RERE: variants seen among roughly 807,000 people sequenced by gnomAD.
RERE encodes the protein arginine-glutamic acid dipeptide repeats protein.
Under a neutral mutation model 146.1 loss-of-function variants are expected in RERE, and 40 were observed. The observed-to-expected ratio is 0.27, with a 90% CI of 0.21 to 0.36. The LOEUF (loss-of-function observed/expected upper bound fraction) is 0.36. RERE is among the 10% of genes least tolerant of loss of function. The probability of loss-of-function intolerance (pLI) is 1.00; values close to 1 mark genes in which losing one functional copy is unlikely to be tolerated. For missense variants in RERE, 1,933 were observed against 2,138.7 expected, an observed-to-expected ratio of 0.90 and a Z score of 1.90; for synonymous variants, 1,003 against 866.0, an observed-to-expected ratio of 1.16 and a Z score of -2.78.
At chr1:8,709,754 T>G (rs539953273) in intron 1 of RERE, among the ~76,000 whole-genome samples, 2 of 152,314 alleles carry the variant, frequency 1.3e-5, no homozygotes, top group African/African-American at 4.8e-5. Flanking sequence ...TTTCACATTT[T>G]TTACTCTTAT....
intron 1 of RERE, among the ~76,000 whole-genome samples, chr1:8,731,159 G>A (rs931380546): frequency 3.3e-5 from 5 of 152,196 alleles, no homozygotes; most frequent in African/African-American, 1.2e-4. Flanking sequence ...TTGACGAACT[G>A]CAGAAGACTG....
At chr1:8,404,364 G>A (rs1327731375) in intron 12 of RERE, among the ~76,000 whole-genome samples, 1 of 151,970 alleles carries the variant, frequency 6.6e-6, no homozygotes, top group Admixed American at 6.6e-5. Flanking sequence ...CTTGCAGTGA[G>A]CCGAGATCGC....
chr1:8,380,583 G>C (rs2636314), intron 12 of RERE: 1 of 324,318 alleles, frequency 3.1e-6, no homozygotes, highest in Non-Finnish European at 6.1e-6. Flanking sequence ...TCCTGATCTC[G>C]TGATCCACCT....
At chr1:8,520,631 A>T (rs543203469) in intron 7 of RERE, among the ~76,000 whole-genome samples, 34 of 152,052 alleles carry the variant, frequency 2.2e-4, no homozygotes, top group African/African-American at 8.0e-4. Context: ...TGGCAACGTC[A>T]TAAAACAACA....
At position 8,741,243 on chromosome 1, in the gene RERE, A is replaced by G. The variant is rs138592785; in HGVS notation, c.-145+75917T>C. Reference sequence around the variant, plus strand: ...ACATGACCATAATTCCTTATTAACTAACTCTCATCATTCATACTTTTACCT... The same window carrying G: ...ACATGACCATAATTCCTTATTAACTGACTCTCATCATTCATACTTTTACCT... On this transcript the variant is annotated intron_variant, in intron 1 of 22. Coordinates refer to ENST00000400908, the MANE Select transcript of RERE (RefSeq NM_001042681.2). Among the ~76,000 whole-genome samples the G allele has an allele frequency of 7.4e-4, 113 of 152,324 alleles. 1 individual carries two copies. The highest frequency in any genetic ancestry group is 2.3e-3 in the Admixed American group (35 of 15,304).
chr1:8,470,339 T>C (rs1644664789), intron 10 of RERE, among the ~76,000 whole-genome samples: 2 of 152,140 alleles, frequency 1.3e-5, no homozygotes, highest in Admixed American at 6.5e-5. Context: ...CTCGACTCAC[T>C]GCAACCTCCG....
intron 4 of RERE, among the ~76,000 whole-genome samples, chr1:8,571,463 C>G (rs1646220179): frequency 6.6e-6 from 1 of 152,128 alleles, no homozygotes; most frequent in African/African-American, 2.4e-5. Context: ...ATTACTGACT[C>G]AAAAGTTGGC....
At chr1:8,786,159 A>C (rs1641255851) in intron 1 of RERE, 1 of 563,530 alleles carries the variant, frequency 1.8e-6, no homozygotes, top group African/African-American at 1.9e-5. Context: ...CTGTTTATTT[A>C]AACTGATCAG....
intron 1 of RERE, among the ~76,000 whole-genome samples, chr1:8,694,983 G>C (rs1242146991): frequency 8.0e-6 from 1 of 124,552 alleles, no homozygotes; most frequent in African/African-American, 3.1e-5. Flanking sequence ...AGGGGGGGGG[G>C]GGAATGCTGG....
intron 1 of RERE, among the ~76,000 whole-genome samples, chr1:8,734,106 C>T (rs1041997860): frequency 6.6e-6 from 1 of 152,054 alleles, no homozygotes; most frequent in African/African-American, 2.4e-5. Context: ...GACTCCGTCT[C>T]AAAAATTAAA....
At chr1:8,622,462 T>C (rs1377696701) in intron 3 of RERE, among the ~76,000 whole-genome samples, 9 of 139,944 alleles carry the variant, frequency 6.4e-5, no homozygotes, top group African/African-American at 2.5e-4. Context: ...CACCCGTATT[T>C]CAGGTGTCAG....
chr1:8,779,919 A>T (rs578070082), intron 1 of RERE, among the ~76,000 whole-genome samples: 1 of 152,230 alleles, frequency 6.6e-6, no homozygotes, highest in African/African-American at 2.4e-5. Context: ...AGTGGCCGGG[A>T]GCAGCTTATG....
At chr1:8,469,375 C>CT (rs1644650026) in intron 10 of RERE, among the ~76,000 whole-genome samples, 3 of 152,124 alleles carry the variant, frequency 2.0e-5, no homozygotes, top group African/African-American at 7.2e-5. Flanking sequence ...TCCCAGCACT[C>CT]TGGGAGGCTG....
At chr1:8,520,415 A>G (rs1168084696) in intron 7 of RERE, among the ~76,000 whole-genome samples, 1 of 152,216 alleles carries the variant, frequency 6.6e-6, no homozygotes, top group African/African-American at 2.4e-5. Flanking sequence ...CTGAAGAATA[A>G]TAAGAATTTC....
At chr1:8,629,949 C>A (rs757071278) in intron 2 of RERE, among the ~76,000 whole-genome samples, 17 of 152,198 alleles carry the variant, frequency 1.1e-4, no homozygotes, top group Non-Finnish European at 2.2e-4. Flanking sequence ...AGAGACCAAG[C>A]TGGGTGGCAC....
chr1:8,654,423 T>TGC (rs1278219075), intron 2 of RERE, among the ~76,000 whole-genome samples: 1 of 152,168 alleles, frequency 6.6e-6, no homozygotes, highest in Non-Finnish European at 1.5e-5. Context: ...AGTAACAGCA[T>TGC]TCCTCAGTAA....
At chr1:8,559,193 T>C (rs1476794589) in intron 4 of RERE, among the ~76,000 whole-genome samples, 3 of 145,824 alleles carry the variant, frequency 2.1e-5, no homozygotes, top group African/African-American at 5.1e-5. Context: ...GGCAGGAGAA[T>C]TGCTTGAACC....
At position 8,531,183 on chromosome 1, in the gene RERE, G is replaced by A. The variant is rs75733445; in HGVS notation, c.830+10031C>T. On this transcript the variant is annotated intron_variant, in intron 7 of 22. Coordinates refer to ENST00000400908, the MANE Select transcript of RERE (RefSeq NM_001042681.2). ...TAGCTTTAACAATTTGGATGGGCCC[G>A]GGGGCTCACAAATATAATGAGAGGC... Among the ~76,000 whole-genome samples the A allele has an allele frequency of 5.0e-3, 765 of 152,052 alleles. 4 individuals carry two copies. The highest frequency in any genetic ancestry group is 0.018 in the African/African-American group (727 of 41,460).
At chr1:8,777,526 T>C (rs1227068260) in intron 1 of RERE, among the ~76,000 whole-genome samples, 1 of 151,220 alleles carries the variant, frequency 6.6e-6, no homozygotes, top group Non-Finnish European at 1.5e-5. Context: ...GAAAACAAAG[T>C]GTCATACTTT....
Sources: gnomAD v4.1 joint callset for allele counts (sites outside exome capture counted in the v4.1 genomes callset) on GRCh38, gnomAD v4.1.1 for gene constraint, MANE v1.5 for transcripts, NCBI Gene and HGNC (gene_info 2026-07-23, HGNC 2026-07-21) for gene names.